ESRRG: variants seen among roughly 807,000 people sequenced by gnomAD.
ESRRG encodes estrogen-related receptor gamma.
Under a neutral mutation model 44.0 loss-of-function variants are expected in ESRRG, and 13 were observed. The ratio of observed to expected loss-of-function variants is 0.30; its 90% CI spans 0.19 to 0.47. The LOEUF is 0.47. ESRRG is among the 20% of genes least tolerant of loss of function. The pLI is 1.00. For missense variants in ESRRG, 395 were observed against 580.6 expected (o/e 0.68, Z 3.29); for synonymous variants, 215 against 214.6 (o/e 1.00, Z -0.02).
chr1:216,850,739 C>A (rs764795961), intron 2 of ESRRG, among the ~76,000 whole-genome samples: 2 of 151,726 alleles, frequency 1.3e-5, no homozygotes, highest in Non-Finnish European at 2.9e-5. Context: ...TAATAAATAC[C>A]GTGCTGTTTT....
At chr1:216,912,400 T>C (rs2060587490) in intron 2 of ESRRG, among the ~76,000 whole-genome samples, 1 of 151,692 alleles carries the variant, frequency 6.6e-6, no homozygotes, top group Admixed American at 6.6e-5. Flanking sequence ...AGGACATTAA[T>C]TTCCCTGAAG....
rs535320479 is a variant in ESRRG at position 216,563,483 on chromosome 1, T to G, written c.862+736A>C. Among the ~76,000 whole-genome samples, 7 of 152,286 alleles carry G rather than the reference T, an allele frequency of 4.6e-5. No homozygotes were observed. In the South Asian group the frequency reaches 1.4e-3, roughly 32 times the overall value. ...CTAGTTTAAGGAGACAGAAATAAGT[T>G]AACTGTACCAGAAAAACATTGCTCA... is the stretch of plus-strand genomic sequence containing the variant. On this transcript the variant is annotated intron_variant, in intron 5 of 6. Coordinates refer to ENST00000408911, the MANE Select transcript of ESRRG (RefSeq NM_001438.4).
chr1:216,892,648 C>T (rs185418616), intron 2 of ESRRG, among the ~76,000 whole-genome samples: 26 of 152,172 alleles, frequency 1.7e-4, no homozygotes, highest in Middle Eastern at 3.4e-3. Flanking sequence ...TTATACCAAC[C>T]GTCTAGAAGG....
chr1:216,902,204 A>C (rs1270653958), intron 2 of ESRRG, among the ~76,000 whole-genome samples: 1 of 152,166 alleles, frequency 6.6e-6, no homozygotes, highest in Non-Finnish European at 1.5e-5. Context: ...AAAAATGAGA[A>C]TCGGCTGGGT....
chr1:217,100,268 C>T (rs2092490736), intron 1 of ESRRG, among the ~76,000 whole-genome samples: 1 of 152,158 alleles, frequency 6.6e-6, no homozygotes, highest in Non-Finnish European at 1.5e-5. Flanking sequence ...CCCAAGCCAA[C>T]TTGGGTGGTC....
chr1:216,992,939 T>C (rs993401282), intron 1 of ESRRG, among the ~76,000 whole-genome samples: 1 of 152,188 alleles, frequency 6.6e-6, no homozygotes, highest in Non-Finnish European at 1.5e-5. Context: ...ATAATCACCA[T>C]CTAAAATATC....
intron 1 of ESRRG, among the ~76,000 whole-genome samples, chr1:217,036,359 A>G (rs2082889837): frequency 6.6e-6 from 1 of 152,228 alleles, no homozygotes. Context: ...AGATACATTC[A>G]TGTGTATGTT....
intron 1 of ESRRG, among the ~76,000 whole-genome samples, chr1:217,037,345 A>G (rs1001990042): frequency 1.3e-5 from 2 of 152,182 alleles, no homozygotes; most frequent in African/African-American, 4.8e-5. Flanking sequence ...TCCACATGGC[A>G]GGGGAGGTTT....
chr1:216,783,886 C>T (rs182737630), intron 2 of ESRRG, among the ~76,000 whole-genome samples: 40 of 152,152 alleles, frequency 2.6e-4, no homozygotes, highest in East Asian at 7.7e-4. Flanking sequence ...CACCCTCTCT[C>T]GAAGAATTAG....
At chr1:216,794,788 A>G (rs1559664979) in intron 2 of ESRRG, among the ~76,000 whole-genome samples, 1 of 152,212 alleles carries the variant, frequency 6.6e-6, no homozygotes, top group Non-Finnish European at 1.5e-5. Flanking sequence ...TTCAAGTTGC[A>G]TGAATGAAAA....
intron 1 of ESRRG, among the ~76,000 whole-genome samples, chr1:216,945,292 T>C (rs912333652): frequency 2.0e-5 from 3 of 152,160 alleles, no homozygotes; most frequent in African/African-American, 7.2e-5. Flanking sequence ...AATCAGTACC[T>C]ATTTTCAGAA....
intron 6 of ESRRG, among the ~76,000 whole-genome samples, chr1:216,509,377 C>T (rs922225311): frequency 6.6e-6 from 1 of 152,122 alleles, no homozygotes; most frequent in Non-Finnish European, 1.5e-5. Context: ...TATGAATTTC[C>T]TCTTTAAATT....
chr1:216,546,000 T>C (rs2054382950), intron 5 of ESRRG, among the ~76,000 whole-genome samples: 1 of 152,094 alleles, frequency 6.6e-6, no homozygotes, highest in Non-Finnish European at 1.5e-5. Flanking sequence ...TATTAATTTA[T>C]AAGATTTGCA....
intron 3 of ESRRG, among the ~76,000 whole-genome samples, chr1:216,647,203 G>A (rs1055223945): frequency 3.3e-5 from 5 of 152,090 alleles, no homozygotes; most frequent in African/African-American, 7.2e-5. Flanking sequence ...TGAAAAAAAT[G>A]AAAAGGGAAT....
intron 3 of ESRRG, among the ~76,000 whole-genome samples, chr1:216,643,166 G>C (rs2150936606): frequency 6.6e-6 from 1 of 152,286 alleles, no homozygotes; most frequent in Middle Eastern, 3.4e-3. Flanking sequence ...TATCCTGGAG[G>C]CTCAGCCCAG....
chr1:216,783,846 T>C (rs541716030), intron 2 of ESRRG, among the ~76,000 whole-genome samples: 1 of 152,200 alleles, frequency 6.6e-6, no homozygotes, highest in South Asian at 2.1e-4. Flanking sequence ...GTCTGAAATA[T>C]TTCCCATTAT....
At chr1:216,545,570 C>T (rs1241792287) in intron 5 of ESRRG, among the ~76,000 whole-genome samples, 3 of 151,962 alleles carry the variant, frequency 2.0e-5, no homozygotes, top group African/African-American at 7.2e-5. Flanking sequence ...GTATTTAGAA[C>T]ATTTATCACT....
At chr1:216,779,453 AATATAAATATAAAT>A (rs1559606673) in intron 2 of ESRRG, among the ~76,000 whole-genome samples, 5 of 5,952 alleles carry the variant, frequency 8.4e-4, no homozygotes, top group South Asian at 6.8e-3. Flanking sequence ...AATATTTATA[AATATAAATATAAAT>A]ATATATTTAT....
At chr1:216,761,063 C>T (rs902699801) in intron 2 of ESRRG, among the ~76,000 whole-genome samples, 2 of 151,860 alleles carry the variant, frequency 1.3e-5, no homozygotes, top group African/African-American at 4.8e-5. Context: ...CTCAACCTCC[C>T]CCTGGGGACA....
Sources: allele counts gnomAD v4.1 joint callset (sites outside exome capture counted in the v4.1 genomes callset), GRCh38; gene constraint gnomAD v4.1.1; transcripts MANE v1.5; gene names NCBI Gene and HGNC (gene_info 2026-07-23, HGNC 2026-07-21).